ACSM5: variants seen among roughly 807,000 people sequenced by gnomAD.
ACSM5 encodes acyl-coenzyme A synthetase ACSM5, mitochondrial.
Under a neutral mutation model 71.6 loss-of-function variants are expected in ACSM5, and 56 were observed. That is an observed-to-expected ratio of 0.78 (90% CI 0.63 to 0.98). The LOEUF (loss-of-function observed/expected upper bound fraction) is 0.98, where lower values mean the gene tolerates loss of function less well. Among genes scored for constraint, ACSM5 ranks in the 50% least tolerant of loss-of-function variants. The pLI, the probability that ACSM5 is intolerant of heterozygous loss-of-function variation, is 0.00. For synonymous variants in ACSM5, 285 were observed against 281.5 expected, an observed-to-expected ratio of 1.01 and a Z score of -0.12; for missense variants, 723 against 726.0, an observed-to-expected ratio of 1.00 and a Z score of 0.05.
At chr16:20,434,031 G>A (rs1967149424) in intron 10 of ACSM5, among the ~76,000 whole-genome samples, 1 of 152,014 alleles carries the variant, frequency 6.6e-6, no homozygotes, top group Non-Finnish European at 1.5e-5. Flanking sequence ...TTTAAGAGTT[G>A]CTAACATCTT....
At position 20,421,412 on chromosome 16, in the gene ACSM5, A is replaced by G. The variant is rs770510344; in HGVS notation, c.767+11A>G. 26 of 1,575,890 alleles carry G rather than the reference A, an allele frequency of 1.6e-5. 1 individual carries two copies. The South Asian group carries it at 2.9e-4, about 17-fold the overall frequency. Reference sequence around the variant, plus strand: ...TGTGGCCAGCGGAAGGTACCAGAGCAGCTTGTCTAGAGGATCCAAGAACAG... The same window carrying G: ...TGTGGCCAGCGGAAGGTACCAGAGCGGCTTGTCTAGAGGATCCAAGAACAG... On this transcript the variant is annotated intron_variant, in intron 5 of 13. Transcript: ENST00000331849.
At position 20,422,175 on chromosome 16, in the gene ACSM5, G is replaced by A. The variant is rs1003508620; in HGVS notation, c.767+774G>A. The stretch of plus-strand genomic sequence containing the variant: ...TGCCCAGGCTGGTGTGCAGTGGTGC[G>A]ATCTCCACTCACTGCAACCTCTGCC... On this transcript the variant is annotated intron_variant, in intron 5 of 13. Coordinates refer to ENST00000331849, the MANE Select transcript of ACSM5 (RefSeq NM_017888.3). Among the ~76,000 whole-genome samples, 7 of 151,810 alleles carry A rather than the reference G, an allele frequency of 4.6e-5. No homozygotes were observed. The South Asian group carries it at 8.3e-4, about 18-fold the overall frequency.
chr16:20,431,790 A>G (rs1204015241), intron 10 of ACSM5, among the ~76,000 whole-genome samples: 4 of 152,116 alleles, frequency 2.6e-5, no homozygotes, highest in South Asian at 4.2e-4. Flanking sequence ...GTTTCTACCA[A>G]AAATACAAAA....
chr16:20,420,026 G>A (rs1432595811), intron 4 of ACSM5, among the ~76,000 whole-genome samples: 2 of 152,204 alleles, frequency 1.3e-5, no homozygotes, highest in Non-Finnish European at 1.5e-5. Flanking sequence ...GTGCTAAAAA[G>A]TAGTCAAGTC....
Position 20,439,879 on chromosome 16 carries a change from A to T in ACSM5, c.1616A>T (p.His539Leu). 2 of 1,612,438 alleles carry T rather than the reference A, an allele frequency of 1.2e-6. No homozygotes were observed. The highest frequency in any genetic ancestry group is 1.1e-5 in the South Asian group (1 of 91,014). The change falls in exon 13 of 14, where the codon CAT becomes CTT. Residue 539 changes from histidine (H) to leucine (L), a missense_variant. Transcript: ENST00000331849. Reference protein sequence around the residue: ...PEALTRELQEHVKRVTAPYKY... With the variant: ...PEALTRELQELVKRVTAPYKY... ...GCACTAACGCGGGAACTCCAGGAGCATGTGAAAAGGGTGACTGCTCCATAC... is the reference window on the plus strand; with the variant it reads ...GCACTAACGCGGGAACTCCAGGAGCTTGTGAAAAGGGTGACTGCTCCATAC...
In ACSM5 at chr16:20,424,018, T is replaced by C; in HGVS notation, c.870T>C (p.Ser290=). 1 of 1,614,192 alleles carries C rather than the reference T, an allele frequency of 6.2e-7. No individual in the cohort carries two copies. Among genetic ancestry groups the C allele is most frequent in the Non-Finnish European group, 8.5e-7 (1 of 1,180,016 alleles). ...WTLFSAWPNG[S]CIFVHELPRV... is the part of the protein sequence containing the mutation. Reference sequence around the variant, plus strand: ...TCTTCTCTGCCTGGCCTAATGGATCTTGCATTTTTGTGCATGAGCTGCCCC... The same window carrying C: ...TCTTCTCTGCCTGGCCTAATGGATCCTGCATTTTTGTGCATGAGCTGCCCC... Residue 290 remains serine (S), a synonymous_variant, in exon 6 of 14, where the codon TCT becomes TCC. Coordinates refer to ENST00000331849, the MANE Select transcript of ACSM5 (RefSeq NM_017888.3).
intron 2 of ACSM5, among the ~76,000 whole-genome samples, chr16:20,413,416 T>C (rs1285914653): frequency 2.0e-5 from 3 of 152,206 alleles, no homozygotes; most frequent in South Asian, 2.1e-4. Context: ...GCCCATTGGT[T>C]CTTTGGAAGA....
At chr16:20,438,450 C>T (rs1207201814) in intron 12 of ACSM5, among the ~76,000 whole-genome samples, 1 of 151,752 alleles carries the variant, frequency 6.6e-6, no homozygotes, top group Non-Finnish European at 1.5e-5. Context: ...TTTTAGCCAG[C>T]CATTCTTGGC....
At chr16:20,432,008 T>C (rs941899062) in intron 10 of ACSM5, among the ~76,000 whole-genome samples, 3 of 151,854 alleles carry the variant, frequency 2.0e-5, no homozygotes, top group African/African-American at 7.3e-5. Context: ...TGCACTATTG[T>C]GTCAGAGCTG....
intron 1 of ACSM5, among the ~76,000 whole-genome samples, chr16:20,410,466 C>T (rs952900022): frequency 6.6e-6 from 1 of 152,186 alleles, no homozygotes; most frequent in African/African-American, 2.4e-5. Context: ...CACAGTGGCT[C>T]ACATCTGTAA....
chr16:20,411,963 A>G (rs1315355584), intron 2 of ACSM5: 3 of 437,160 alleles, frequency 6.9e-6, no homozygotes, highest in Non-Finnish European at 1.3e-5. Context: ...ATTCCCTTCC[A>G]GTTGTTCATC....
intron 6 of ACSM5, among the ~76,000 whole-genome samples, chr16:20,425,357 T>A (rs1205064108): frequency 1.3e-5 from 2 of 152,220 alleles, no homozygotes; most frequent in Non-Finnish European, 2.9e-5. Flanking sequence ...ATTGTGTATA[T>A]GTACATCTTC....
chr16:20,425,429 TA>T (rs1009471294), intron 6 of ACSM5, among the ~76,000 whole-genome samples: 53 of 151,978 alleles, frequency 3.5e-4, no homozygotes, highest in South Asian at 2.1e-4. Flanking sequence ...ATTCTTTTTT[TA>T]AAAAAAAATT....
At chr16:20,436,391 C>A (rs944361161) in intron 10 of ACSM5, among the ~76,000 whole-genome samples, 1 of 151,864 alleles carries the variant, frequency 6.6e-6, no homozygotes, top group Non-Finnish European at 1.5e-5. Flanking sequence ...GTGGTGCAAT[C>A]TCACAGCCTC....
chr16:20,422,717 G>C lies in ACSM5; in HGVS notation c.768-1199G>C, dbSNP rs139271897. On this transcript the variant is annotated intron_variant, in intron 5 of 13. Transcript: ENST00000331849. ...AACTGTAGGGGAAACAGGTAAAGAA[G>C]ATGACCAGTGCATTAAGAGGCAAGC... 9.1e-4 allele frequency among the ~76,000 whole-genome samples: 138 copies of C among 152,308 alleles called. 1 individual carries two copies. In the East Asian group the frequency reaches 0.026, roughly 29 times the overall value.
chr16:20,425,509 A>C (rs767777567), intron 6 of ACSM5, among the ~76,000 whole-genome samples: 2 of 152,110 alleles, frequency 1.3e-5, no homozygotes, highest in Admixed American at 6.6e-5. Context: ...GGTGATTGTA[A>C]GATTTTGGTG....
At chr16:20,415,540 A>G (rs576770664) in intron 2 of ACSM5, among the ~76,000 whole-genome samples, 11 of 152,344 alleles carry the variant, frequency 7.2e-5, no homozygotes, top group African/African-American at 2.6e-4. Flanking sequence ...GCCATCTTGT[A>G]CTGGACAGAG....
intron 1 of ACSM5, among the ~76,000 whole-genome samples, chr16:20,410,007 T>A (rs887352681): frequency 2.0e-5 from 3 of 152,056 alleles, no homozygotes; most frequent in African/African-American, 7.3e-5. Context: ...GGGGCCTATG[T>A]TTTTCCAGGA....
At chr16:20,416,951 T>A (rs1004467186) in intron 2 of ACSM5, among the ~76,000 whole-genome samples, 3 of 145,704 alleles carry the variant, frequency 2.1e-5, no homozygotes, top group African/African-American at 7.7e-5. Flanking sequence ...AAAAGATGCT[T>A]AACATCTTTA....
Sources: allele counts gnomAD v4.1 joint callset (sites outside exome capture counted in the v4.1 genomes callset), GRCh38; gene constraint gnomAD v4.1.1; transcripts MANE v1.5; gene names NCBI Gene and HGNC (gene_info 2026-07-23, HGNC 2026-07-21).